SYNDIG1: variants seen among roughly 807,000 people sequenced by gnomAD.
SYNDIG1 encodes synapse differentiation inducing 1.
Under a neutral mutation model 19.4 loss-of-function variants are expected in SYNDIG1, and 9 were observed. The ratio of observed to expected loss-of-function variants is 0.46; its 90% CI spans 0.28 to 0.81. SYNDIG1 has a LOEUF of 0.81. SYNDIG1 is among the 30% of genes least tolerant of loss of function. The pLI is 0.12. For synonymous variants in SYNDIG1, 141 were observed against 145.9 expected, an observed-to-expected ratio of 0.97 and a Z score of 0.24; for missense variants, 311 against 343.3, an observed-to-expected ratio of 0.91 and a Z score of 0.74.
At chr20:24,625,266 A>C (rs1378452749) in intron 3 of SYNDIG1, among the ~76,000 whole-genome samples, 1 of 152,224 alleles carries the variant, frequency 6.6e-6, no homozygotes, top group Non-Finnish European at 1.5e-5. Context: ...GCAAACATAA[A>C]AATTGAAGAA....
At chr20:24,602,831 A>C (rs964466258) in intron 3 of SYNDIG1, among the ~76,000 whole-genome samples, 1 of 152,236 alleles carries the variant, frequency 6.6e-6, no homozygotes, top group Non-Finnish European at 1.5e-5. Flanking sequence ...GTTTATACAG[A>C]GAATGTATTA....
intron 3 of SYNDIG1, among the ~76,000 whole-genome samples, chr20:24,616,672 G>A (rs1189152178): frequency 6.6e-6 from 1 of 152,244 alleles, no homozygotes; most frequent in East Asian, 1.9e-4. Flanking sequence ...TGCAGGGGGT[G>A]AGGCAGCTGG....
chr20:24,483,888 G>C (rs953941196), intron 1 of SYNDIG1, among the ~76,000 whole-genome samples: 1 of 152,154 alleles, frequency 6.6e-6, no homozygotes, highest in Non-Finnish European at 1.5e-5. Flanking sequence ...AGGCCAGCGG[G>C]GATGCTGCGT....
chr20:24,560,530 G>A (rs866089336), intron 2 of SYNDIG1, among the ~76,000 whole-genome samples: 1 of 151,468 alleles, frequency 6.6e-6, no homozygotes, highest in African/African-American at 2.4e-5. Flanking sequence ...TGGGTTCTAT[G>A]CCTTTTCTTA....
chr20:24,486,736 G>A (rs2055971911), intron 1 of SYNDIG1, among the ~76,000 whole-genome samples: 3 of 151,556 alleles, frequency 2.0e-5, no homozygotes, highest in East Asian at 3.9e-4. Flanking sequence ...TCGGTTCCCC[G>A]AAACCTCCAC....
chr20:24,512,622 A>G (rs1189159432), intron 1 of SYNDIG1, among the ~76,000 whole-genome samples: 2 of 152,174 alleles, frequency 1.3e-5, no homozygotes, highest in African/African-American at 4.8e-5. Flanking sequence ...AGGCTTGAGT[A>G]GGTAAACAAA....
chr20:24,611,217 T>G (rs1365139622), intron 3 of SYNDIG1, among the ~76,000 whole-genome samples: 1 of 152,148 alleles, frequency 6.6e-6, no homozygotes, highest in Non-Finnish European at 1.5e-5. Flanking sequence ...GCTCCTGGCC[T>G]CTCCATTCCT....
intron 1 of SYNDIG1, among the ~76,000 whole-genome samples, chr20:24,531,549 C>T (rs1324372118): frequency 6.6e-6 from 1 of 152,150 alleles, no homozygotes; most frequent in East Asian, 1.9e-4. Flanking sequence ...CACTTGCAAT[C>T]CTGGTTCCCA....
chr20:24,585,067 C>A, intron 3 of SYNDIG1, 74 bp downstream of exon 3: 3 of 1,538,078 alleles, frequency 2.0e-6, no homozygotes, highest in South Asian at 2.4e-5. Flanking sequence ...CAATCCCAGC[C>A]GAGGAGGAGA....
chr20:24,598,569 T>TG (rs1201800752), intron 3 of SYNDIG1, among the ~76,000 whole-genome samples: 1 of 152,196 alleles, frequency 6.6e-6, no homozygotes, highest in African/African-American at 2.4e-5. Flanking sequence ...CAGGACTGGG[T>TG]GGGGCCCACA....
intron 2 of SYNDIG1, among the ~76,000 whole-genome samples, chr20:24,547,982 G>A (rs6036836): frequency 0.097 from 14,708 of 152,156 alleles, 919 homozygotes; most frequent in African/African-American, 0.16. Flanking sequence ...ACCTAGAAGC[G>A]GTGCCCATGG....
intron 1 of SYNDIG1, among the ~76,000 whole-genome samples, chr20:24,493,643 T>C (rs2056218800): frequency 6.6e-6 from 1 of 152,228 alleles, no homozygotes; most frequent in Non-Finnish European, 1.5e-5. Context: ...CACTGCTCTG[T>C]CAACTGGGCC....
chr20:24,540,433 A>C (rs2057446774), intron 1 of SYNDIG1, among the ~76,000 whole-genome samples: 2 of 152,210 alleles, frequency 1.3e-5, no homozygotes, highest in Non-Finnish European at 2.9e-5. Context: ...AAAAGTGGGA[A>C]AAGTGGGCAT....
chr20:24,521,266 T>C (rs1053722540), intron 1 of SYNDIG1, among the ~76,000 whole-genome samples: 1 of 152,200 alleles, frequency 6.6e-6, no homozygotes, highest in Non-Finnish European at 1.5e-5. Flanking sequence ...TGCATCATGA[T>C]GCTATGCACT....
intron 3 of SYNDIG1, among the ~76,000 whole-genome samples, chr20:24,597,494 G>C (rs1477795982): frequency 6.6e-6 from 1 of 152,122 alleles, no homozygotes; most frequent in African/African-American, 2.4e-5. Context: ...CAGACTCACT[G>C]GGTGAGTCTG....
At chr20:24,600,691 T>C (rs1474329904) in intron 3 of SYNDIG1, among the ~76,000 whole-genome samples, 1 of 150,162 alleles carries the variant, frequency 6.7e-6, no homozygotes, top group African/African-American at 2.5e-5. Context: ...CTCAGCTCAC[T>C]GCAACCTCCA....
chr20:24,560,798 G>T (rs1908965365), intron 2 of SYNDIG1, among the ~76,000 whole-genome samples: 1 of 144,604 alleles, frequency 6.9e-6, no homozygotes, highest in South Asian at 2.2e-4. Context: ...TAGACAACTT[G>T]AATGATATAG....
rs1046107058 is a variant in SYNDIG1, at chr20:24,658,408, G to T, written c.619-6938G>T. Among the ~76,000 whole-genome samples the T allele has an allele frequency of 6.6e-6, 1 of 152,016 alleles. No homozygotes were observed. Among genetic ancestry groups the T allele is most frequent in the South Asian group, 2.1e-4 (1 of 4,822 alleles). On this transcript the variant is annotated intron_variant, in intron 3 of 3. Coordinates refer to ENST00000376862, the MANE Select transcript of SYNDIG1 (RefSeq NM_024893.3). The surrounding 1 kb of genome is among the most constrained non-coding windows in gnomAD (Gnocchi z 4.4). ...TCCCTGATGGCCGGTGCTCCTCCCC[G>T]TGACAGATTCCACACAGGAGCTGCA...
At position 24,648,822 on chromosome 20, in the gene SYNDIG1, T is replaced by C. The variant is rs1477547452; in HGVS notation, c.619-16524T>C. Among the ~76,000 whole-genome samples, 3 of 152,374 alleles carry C rather than the reference T, an allele frequency of 2.0e-5. No individual in the cohort carries two copies. In the East Asian group the frequency reaches 5.8e-4, roughly 29 times the overall value. On this transcript the variant is annotated intron_variant, in intron 3 of 3. Transcript: ENST00000376862. ...CAGTCAGCATTGGGATGCTAACAGCTGGTGGAGGCCGGCGTCTGCAGAGGA... is the reference window on the plus strand; with the variant it reads ...CAGTCAGCATTGGGATGCTAACAGCCGGTGGAGGCCGGCGTCTGCAGAGGA...
Sources: gnomAD v4.1 joint callset for allele counts (sites outside exome capture counted in the v4.1 genomes callset) on GRCh38, gnomAD v4.1.1 for gene constraint, Gnocchi (gnomAD v3.1) non-coding constraint, MANE v1.5 for transcripts, NCBI Gene and HGNC (gene_info 2026-07-23, HGNC 2026-07-21) for gene names.